UTP11: variants seen among roughly 807,000 people sequenced by gnomAD.
The protein encoded by UTP11 is probable U3 small nucleolar RNA-associated protein 11.
A neutral mutation model predicts 39.0 loss-of-function variants in UTP11; 29 were observed. The observed-to-expected ratio is 0.74, with a 90% CI of 0.55 to 1.01. UTP11 has a LOEUF of 1.01. Among genes scored for constraint, UTP11 ranks in the 50% least tolerant of loss-of-function variants. The pLI is 0.00. For synonymous variants in UTP11, 111 were observed against 105.0 expected (o/e 1.06, Z -0.35); for missense variants, 281 against 306.0 (o/e 0.92, Z 0.61).
At chr1:38,022,008 TTC>T (rs1472820281) in intron 6 of UTP11, among the ~76,000 whole-genome samples, 2 of 152,198 alleles carry the variant, frequency 1.3e-5, no homozygotes, top group African/African-American at 4.8e-5. Flanking sequence ...GCAGTGAGAA[TTC>T]TCAGGTGAGC....
intron 6 of UTP11, among the ~76,000 whole-genome samples, chr1:38,021,337 G>A (rs1047298043): frequency 6.6e-6 from 1 of 152,214 alleles, no homozygotes; most frequent in Admixed American, 6.5e-5. Flanking sequence ...TAGCTTTTGA[G>A]AAGTTAGGGA....
rs778228721 is a variant in UTP11, at chr1:38,019,273, A to G, written c.457A>G (p.Thr153Ala). Residue 153 changes from threonine (T) to alanine (A), a missense_variant, in exon 6 of 8, where the codon ACT becomes GCT. Thr to Ala is a moderately conservative substitution (Grantham distance 58). Transcript: ENST00000373014. ...KKEVEQFDVA[T>A]HLQTAPELVD... ...TTTAGTTGAACAGTTTGATGTCGCA[A>G]CTCACCTGCAAACAGCCCCGGAGCT... 3 of 1,614,024 alleles carry G rather than the reference A, an allele frequency of 1.9e-6. No homozygotes were observed. The highest frequency in any genetic ancestry group is 2.5e-6 in the Non-Finnish European group (3 of 1,179,996).
Position 38,023,819 on chromosome 1 carries a change from G to A in UTP11, c.*191G>A. 2 of 446,066 alleles carry A rather than the reference G, an allele frequency of 4.5e-6. No homozygotes were observed. Among genetic ancestry groups the A allele is most frequent in the Non-Finnish European group, 7.8e-6 (2 of 257,060 alleles). 27.6% of individuals were successfully genotyped at this position (446,066 alleles called of 1,614,324 possible). A position where few individuals can be genotyped will look rare whatever the true frequency, so the allele number is the denominator to read the frequency against. ...CCTTCTGTAATTGTTTTTGGATTGT[G>A]AAATTAGTCTTATTTTTATATACTT... On this transcript the variant is annotated 3_prime_UTR_variant, in exon 8 of 8. Transcript: ENST00000373014.
chr1:38,012,852 G>A lies in UTP11; in HGVS notation c.50G>A (p.Arg17Lys). ...GCTAAGTCCCGGCAGCGGGAACACA[G>A]AGAGCGAAGCCAGGTAGGACCATAC... is the stretch of plus-strand genomic sequence containing the variant. ...KAAKSRQREH[R>K]ERSQPGFRKH... Residue 17 changes from arginine to lysine, a missense_variant, in exon 1 of 8, where the codon AGA becomes AAA. Arg to Lys is a conservative substitution (Grantham distance 26, BLOSUM62 2). Transcript: ENST00000373014. The A allele has an allele frequency of 6.2e-7, 1 of 1,614,234 alleles. No homozygotes were observed. The highest frequency in any genetic ancestry group is 8.5e-7 in the Non-Finnish European group (1 of 1,180,048).
intron 6 of UTP11, among the ~76,000 whole-genome samples, chr1:38,020,295 G>T (rs1337602778): frequency 1.3e-5 from 2 of 151,878 alleles, no homozygotes; most frequent in African/African-American, 2.4e-5. Context: ...TAGAAACGGG[G>T]TCTCGCTAAG....
At chr1:38,017,805 T>A (rs373801422) in intron 3 of UTP11, 35 bp downstream of exon 3, 1 of 1,527,424 alleles carries the variant, frequency 6.5e-7, no homozygotes, top group Non-Finnish European at 8.9e-7. Flanking sequence ...TGTTTTGAGC[T>A]CCACACATTG....
chr1:38,018,941 C>T (rs1646720924), intron 4 of UTP11, 118 bp from the exon 5 acceptor site: 2 of 886,084 alleles, frequency 2.3e-6, no homozygotes, highest in African/African-American at 1.7e-5. Flanking sequence ...AAGAATAAAG[C>T]AAGTTCTTTG....
At chr1:38,015,927 G>A (rs1169236747) in intron 1 of UTP11, among the ~76,000 whole-genome samples, 1 of 152,236 alleles carries the variant, frequency 6.6e-6, no homozygotes, top group Non-Finnish European at 1.5e-5. Flanking sequence ...GTCACAGATT[G>A]TTCAGAGGTA....
In UTP11 at chr1:38,019,369, C is replaced by T. The variant is rs750051179; in HGVS notation, c.553C>T (p.Gln185Ter). The T allele has an allele frequency of 6.2e-7, 1 of 1,611,724 alleles. No individual in the cohort carries two copies. Among genetic ancestry groups the T allele is most frequent in the South Asian group, 1.1e-5 (1 of 90,952 alleles). Residue 185 changes from glutamine to a stop codon, truncating the protein, a stop_gained, in exon 6 of 8, where the codon CAG becomes TAG. Coordinates refer to ENST00000373014, the MANE Select transcript of UTP11 (RefSeq NM_016037.4). LOFTEE classifies it high-confidence loss of function. ...AGAAAAAGTGAAAGGAGTTACCAAT[C>T]AGACTGGACTTAAGGTAATTTTCTC... ...QKEKVKGVTN[Q>*]TGLKRIAKER...
At chr1:38,022,134 A>G (rs1010126591) in intron 6 of UTP11, among the ~76,000 whole-genome samples, 1 of 152,236 alleles carries the variant, frequency 6.6e-6, no homozygotes, top group East Asian at 1.9e-4. Context: ...CACTTTGTAT[A>G]GGGTTTCCAA....
chr1:38,020,068 C>A (rs542750190), intron 6 of UTP11, among the ~76,000 whole-genome samples: 4 of 152,164 alleles, frequency 2.6e-5, no homozygotes, highest in Non-Finnish European at 5.9e-5. Context: ...TAATATTGAA[C>A]CTTTAGCAGT....
chr1:38,021,373 T>C (rs887346104), intron 6 of UTP11, among the ~76,000 whole-genome samples: 2 of 152,188 alleles, frequency 1.3e-5, no homozygotes, highest in African/African-American at 4.8e-5. Context: ...CATTTTTGTC[T>C]AGTAATTATG....
chr1:38,022,846 TTC>T, intron 7 of UTP11, 37 bp downstream of exon 7: 11 of 1,415,318 alleles, frequency 7.8e-6, no homozygotes, highest in Non-Finnish European at 1.1e-5. Context: ...TTTTTTTTTT[TTC>T]CCCCTTTTCT....
chr1:38,013,030 C>G lies in UTP11; in HGVS notation c.63+165C>G, dbSNP rs149609377. 7.1e-3 allele frequency among the ~76,000 whole-genome samples: 1,078 copies of G among 152,300 alleles called. 4 individuals carry two copies. Among genetic ancestry groups the G allele is most frequent in the Non-Finnish European group, 0.01 (711 of 68,024 alleles). ...TGGCTGGGGCGGAGCTTCGTGGGAA[C>G]GAGTGGAGGGGATTTGTCGTTTCCG... On this transcript the variant is annotated intron_variant, in intron 1 of 7. Coordinates refer to ENST00000373014, the MANE Select transcript of UTP11 (RefSeq NM_016037.4).
chr1:38,018,499 A>G lies in UTP11; in HGVS notation c.264A>G (p.Glu88=). ...GVHIIKETKE[E]VTPEQLKLMR... Reference sequence around the variant, plus strand: ...ATATTATTAAGGAGACTAAGGAAGAAGTAACCCCAGAACAACTAAAGCTGA... The same window carrying G: ...ATATTATTAAGGAGACTAAGGAAGAGGTAACCCCAGAACAACTAAAGCTGA... Residue 88 remains glutamate (E), a synonymous_variant, in exon 4 of 8, where the codon GAA becomes GAG. Coordinates refer to ENST00000373014, the MANE Select transcript of UTP11 (RefSeq NM_016037.4). The G allele has an allele frequency of 2.5e-6, 4 of 1,613,846 alleles. No homozygotes were observed. Among genetic ancestry groups the G allele is most frequent in the Non-Finnish European group, 3.4e-6 (4 of 1,179,864 alleles).
At chr1:38,013,295 C>A (rs925413379) in intron 1 of UTP11, among the ~76,000 whole-genome samples, 1 of 152,234 alleles carries the variant, frequency 6.6e-6, no homozygotes, top group African/African-American at 2.4e-5. Context: ...AATGTGGTAT[C>A]ATCATCACGC....
chr1:38,015,875 T>G (rs1646704654), intron 1 of UTP11, among the ~76,000 whole-genome samples: 1 of 152,180 alleles, frequency 6.6e-6, no homozygotes, highest in Non-Finnish European at 1.5e-5. Flanking sequence ...CATGTTACAG[T>G]CAGGAAATAG....
In UTP11 at chr1:38,023,956, G is replaced by A; in HGVS notation, c.*328G>A. The A allele has an allele frequency of 5.7e-6, 1 of 174,754 alleles. No homozygotes were observed. 10.8% of individuals were successfully genotyped at this position (174,754 alleles called of 1,614,324 possible). ...GGGCTCAAGTGATCTTCCTGCATCA[G>A]CCTCTTGAGTAGCTGGGACCACAGA... On this transcript the variant is annotated 3_prime_UTR_variant, in exon 8 of 8. Coordinates refer to ENST00000373014, the MANE Select transcript of UTP11 (RefSeq NM_016037.4).
At chr1:38,021,871 C>T (rs1439593352) in intron 6 of UTP11, among the ~76,000 whole-genome samples, 2 of 149,800 alleles carry the variant, frequency 1.3e-5, no homozygotes, top group Non-Finnish European at 3.0e-5. Context: ...CCAGCCTGGG[C>T]GACAGAGCAA....
Sources: gnomAD v4.1 joint callset for allele counts (sites outside exome capture counted in the v4.1 genomes callset) on GRCh38, gnomAD v4.1.1 for gene constraint, MANE v1.5 for transcripts, NCBI Gene and HGNC (gene_info 2026-07-23, HGNC 2026-07-21) for gene names.